The following ENTREP1 variants were observed in gnomAD, a reference collection of about 807,000 sequenced individuals.
ENTREP1 encodes Friedreich ataxia region gene X123.
chr9:69,335,575 C>G, the ENTREP1 span, among the ~76,000 whole-genome samples: 1 of 152,082 alleles, frequency 6.6e-6, no homozygotes, highest in African/African-American at 2.4e-5. Flanking sequence ...GGCTTGAGAG[C>G]AGGTAAGAGA....
chr9:69,363,612 A>G, the ENTREP1 span, among the ~76,000 whole-genome samples: 1 of 152,144 alleles, frequency 6.6e-6, no homozygotes, highest in Admixed American at 6.6e-5. Flanking sequence ...AGAGTCATGT[A>G]CAGAGGACCC....
At chr9:69,348,694 T>C in the ENTREP1 span, among the ~76,000 whole-genome samples, 1 of 152,244 alleles carries the variant, frequency 6.6e-6, no homozygotes, top group Non-Finnish European at 1.5e-5. Flanking sequence ...AATGGAATCA[T>C]ACAGTATGTG....
chr9:69,363,062 A>T, the ENTREP1 span, among the ~76,000 whole-genome samples: 122,499 of 151,894 alleles, frequency 0.81, 49,387 homozygotes, highest in South Asian at 0.86. Flanking sequence ...TGCCTATGAG[A>T]GCACTAGCTC....
At chr9:69,363,748 C>G in the ENTREP1 span, among the ~76,000 whole-genome samples, 1 of 152,162 alleles carries the variant, frequency 6.6e-6, no homozygotes, top group African/African-American at 2.4e-5. Context: ...CGTCAGGGGT[C>G]CCTGTTGGTT....
chr9:69,325,870 A>C, the ENTREP1 span: 1 of 1,156,854 alleles, frequency 8.6e-7, no homozygotes, highest in African/African-American at 1.6e-5. Flanking sequence ...CTGGAGAAAA[A>C]TGTTCCGCGA....
chr9:69,377,632 G>A, the ENTREP1 span: 2 of 1,614,076 alleles, frequency 1.2e-6, no homozygotes, highest in Non-Finnish European at 1.7e-6. Context: ...GATTTCTGCT[G>A]AAGAAGCGGA....
chr9:69,339,716 T>C, the ENTREP1 span, among the ~76,000 whole-genome samples: 4 of 152,294 alleles, frequency 2.6e-5, no homozygotes, highest in South Asian at 8.3e-4. Context: ...CCCCTTCCCC[T>C]TCTCATCCAT....
chr9:69,361,483 TGA>T, the ENTREP1 span, among the ~76,000 whole-genome samples: 2 of 152,228 alleles, frequency 1.3e-5, no homozygotes, highest in African/African-American at 4.8e-5. Context: ...TTTTTATTGT[TGA>T]GTTTCATTCC....
At chr9:69,368,320 T>C in the ENTREP1 span, among the ~76,000 whole-genome samples, 1 of 152,268 alleles carries the variant, frequency 6.6e-6, no homozygotes, top group South Asian at 2.1e-4. Context: ...AGTGTGGAGT[T>C]AGCTGTGGGT....
At chr9:69,329,426 CT>C in the ENTREP1 span, 1 of 983,960 alleles carries the variant, frequency 1.0e-6, no homozygotes, top group Non-Finnish European at 1.2e-6. Flanking sequence ...TTGGAGGCTT[CT>C]TTCACTTGTT....
chr9:69,387,726 C>T, the ENTREP1 span: 3 of 384,452 alleles, frequency 7.8e-6, no homozygotes, highest in Non-Finnish European at 1.4e-5. Context: ...TCTGACAAGT[C>T]TTGTCTCTCT....
the ENTREP1 span, chr9:69,324,755 G>T: frequency 2.0e-6 from 2 of 985,524 alleles, no homozygotes; most frequent in Non-Finnish European, 2.4e-6. Flanking sequence ...CCCCTCCTTG[G>T]GCAAAAGTTT....
chr9:69,350,283 C>CTT, the ENTREP1 span, among the ~76,000 whole-genome samples: 1 of 152,018 alleles, frequency 6.6e-6, no homozygotes, highest in Non-Finnish European at 1.5e-5. Context: ...CAGGTTTATT[C>CTT]TTTTGCATGT....
the ENTREP1 span, among the ~76,000 whole-genome samples, chr9:69,326,827 G>C: frequency 4.7e-5 from 1 of 21,278 alleles, no homozygotes; most frequent in Non-Finnish European, 1.6e-4. Flanking sequence ...GCCTCCCAAA[G>C]TGTGGGGATT....
chr9:69,328,630 T>G, the ENTREP1 span, among the ~76,000 whole-genome samples: 2 of 149,782 alleles, frequency 1.3e-5, no homozygotes, highest in Non-Finnish European at 3.0e-5. Context: ...ACATTGTAAC[T>G]AATTCAAAGA....
At chr9:69,351,844 T>C in the ENTREP1 span, among the ~76,000 whole-genome samples, 3 of 152,220 alleles carry the variant, frequency 2.0e-5, no homozygotes, top group Non-Finnish European at 4.4e-5. Flanking sequence ...TTTCTGTTTA[T>C]TTGTCTTTTT....
the ENTREP1 span, chr9:69,371,608 TG>T: frequency 6.3e-7 from 1 of 1,598,030 alleles, no homozygotes; most frequent in Non-Finnish European, 8.6e-7. Context: ...AGGTGTGATC[TG>T]GTAAGCAGTC....
the ENTREP1 span, chr9:69,329,353 A>G: frequency 3.1e-6 from 3 of 960,862 alleles, no homozygotes; most frequent in Non-Finnish European, 3.7e-6. Flanking sequence ...TTTGTTGAAC[A>G]CAGTATAGTT....
the ENTREP1 span, among the ~76,000 whole-genome samples, chr9:69,367,800 A>AAT: frequency 1.1e-4 from 10 of 92,062 alleles, no homozygotes; most frequent in East Asian, 2.6e-4. Flanking sequence ...CATATATATA[A>AAT]ATATATATAC....
Sources: allele counts gnomAD v4.1 joint callset (sites outside exome capture counted in the v4.1 genomes callset), GRCh38; gene constraint gnomAD v4.1.1; transcripts MANE v1.5; gene names NCBI Gene and HGNC (gene_info 2026-07-23, HGNC 2026-07-21).